Variants in RFX3 observed in about 807,000 individuals in gnomAD.
The protein encoded by RFX3 is regulatory factor X3.
Under a neutral mutation model 98.6 loss-of-function variants are expected in RFX3, and 14 were observed. The ratio of observed to expected loss-of-function variants is 0.14; its 90% CI spans 0.09 to 0.22. The LOEUF (loss-of-function observed/expected upper bound fraction) is 0.22. Ranked by LOEUF, RFX3 falls within the 10% of genes least tolerant of loss-of-function variation. The probability of loss-of-function intolerance (pLI) is 1.00; values close to 1 mark genes in which losing one functional copy is unlikely to be tolerated. For synonymous variants in RFX3, 383 were observed against 328.4 expected (o/e 1.17, Z -1.80); for missense variants, 639 against 926.9 (o/e 0.69, Z 4.03).
At chr9:3,367,892 T>A (rs1451701815) in intron 2 of RFX3, among the ~76,000 whole-genome samples, 1 of 152,202 alleles carries the variant, frequency 6.6e-6, no homozygotes, top group African/African-American at 2.4e-5. Context: ...GAGTAAAGTA[T>A]CACATGAAAA....
At chr9:3,386,750 G>T (rs2131797063) in intron 2 of RFX3, among the ~76,000 whole-genome samples, 1 of 152,222 alleles carries the variant, frequency 6.6e-6, no homozygotes, top group East Asian at 1.9e-4. Flanking sequence ...AGTTGGATGG[G>T]GAGAATCCAA....
chr9:3,266,346 A>C (rs1275183912), intron 11 of RFX3, 41 bp from the exon 12 acceptor site: 1 of 1,275,248 alleles, frequency 7.8e-7, no homozygotes, highest in South Asian at 1.2e-5. Flanking sequence ...AAAAAGTATG[A>C]AAGAATATTA....
intron 1 of RFX3, among the ~76,000 whole-genome samples, chr9:3,491,154 C>G (rs1850688122): frequency 6.6e-6 from 1 of 151,950 alleles, no homozygotes; most frequent in African/African-American, 2.4e-5. Context: ...AGTAACAAAG[C>G]AAACAGGCAC....
At chr9:3,418,778 A>C (rs2132308650) in intron 1 of RFX3, among the ~76,000 whole-genome samples, 1 of 152,352 alleles carries the variant, frequency 6.6e-6, no homozygotes, top group South Asian at 2.1e-4. Context: ...TAAGTTGCTT[A>C]GAATTCATAT....
chr9:3,234,659 C>T (rs548445248), intron 15 of RFX3, among the ~76,000 whole-genome samples: 1 of 151,784 alleles, frequency 6.6e-6, no homozygotes, highest in Non-Finnish European at 1.5e-5. Flanking sequence ...AACAAACAAA[C>T]AAAAAAACCC....
intron 1 of RFX3, among the ~76,000 whole-genome samples, chr9:3,426,013 A>G (rs893128566): frequency 6.6e-6 from 1 of 152,070 alleles, no homozygotes; most frequent in Admixed American, 6.5e-5. Context: ...AAAACAAACC[A>G]AAAAAACCCA....
intron 1 of RFX3, among the ~76,000 whole-genome samples, chr9:3,458,569 C>T (rs1847396816): frequency 6.6e-6 from 1 of 152,082 alleles, no homozygotes; most frequent in African/African-American, 2.4e-5. Flanking sequence ...GATAATACAC[C>T]TGTTTTATGA....
At chr9:3,483,688 G>C (rs987097009) in intron 1 of RFX3, among the ~76,000 whole-genome samples, 3 of 152,158 alleles carry the variant, frequency 2.0e-5, no homozygotes, top group Non-Finnish European at 4.4e-5. Flanking sequence ...TATTAGTAAA[G>C]ATCAGCAACT....
rs529388380 is a variant in RFX3, at chr9:3,365,078, G to A, written c.118-18314C>T. ...GCACTTCGGGAGGCCGGGACAGGTG[G>A]ATCACAAGGTCAGGAGATCGAGACC... On this transcript the variant is annotated intron_variant, in intron 2 of 16. Transcript: ENST00000617270. Among the ~76,000 whole-genome samples the A allele has an allele frequency of 2.1e-3, 316 of 152,178 alleles. 1 individual carries two copies. The highest frequency in any genetic ancestry group is 6.8e-3 in the Middle Eastern group (2 of 294).
intron 1 of RFX3, among the ~76,000 whole-genome samples, chr9:3,421,342 G>A (rs1247748294): frequency 6.6e-6 from 1 of 152,106 alleles, no homozygotes; most frequent in Non-Finnish European, 1.5e-5. Flanking sequence ...CAACTGTTAG[G>A]CAGCATTACT....
In RFX3 at chr9:3,266,265, A is replaced by C. The variant is rs1254960261; in HGVS notation, c.1398T>G (p.Leu466=). Residue 466 remains leucine, a synonymous_variant, in exon 12 of 17, where the codon CTT becomes CTG. Coordinates refer to ENST00000617270, the MANE Select transcript of RFX3 (RefSeq NM_001282116.2). ...TQAIRNFAKS[L]EGWLSNAMNN... ...TCATGGCATTGGAAAGCCAACCTTC[A>C]AGGCTTTTTGCAAAATTTCGAATGG... 6.2e-7 allele frequency: 1 copy of C among 1,611,878 alleles called. No individual in the cohort carries two copies. The highest frequency in any genetic ancestry group is 8.5e-7 in the Non-Finnish European group (1 of 1,178,548).
chr9:3,336,463 G>A (rs1833191244), intron 3 of RFX3, among the ~76,000 whole-genome samples: 1 of 152,026 alleles, frequency 6.6e-6, no homozygotes, highest in Admixed American at 6.5e-5. Flanking sequence ...AAATAGGATA[G>A]TTAAGGAATG....
intron 14 of RFX3, among the ~76,000 whole-genome samples, chr9:3,249,028 A>ATG (rs533455518): frequency 3.3e-5 from 5 of 151,700 alleles, no homozygotes; most frequent in East Asian, 3.9e-4. Context: ...AATCAGAGTG[A>ATG]TGTGTGTGTG....
chr9:3,429,111 C>T (rs753034054), intron 1 of RFX3, among the ~76,000 whole-genome samples: 144 of 151,220 alleles, frequency 9.5e-4, no homozygotes, highest in South Asian at 1.7e-3. Context: ...CAAGCTCCGC[C>T]TCCCGGGTTC....
chr9:3,341,190 C>A (rs12001554), intron 3 of RFX3, among the ~76,000 whole-genome samples: 1 of 151,240 alleles, frequency 6.6e-6, no homozygotes, highest in East Asian at 2.0e-4. Context: ...CACTCACAGG[C>A]GGGAATTGAA....
chr9:3,420,452 ATTATT>A (rs1301779205), intron 1 of RFX3, among the ~76,000 whole-genome samples: 2 of 152,172 alleles, frequency 1.3e-5, no homozygotes, highest in Non-Finnish European at 2.9e-5. Context: ...TTTTACATAC[ATTATT>A]TTATTTGAAC....
At chr9:3,242,000 G>A (rs553810142) in intron 15 of RFX3, among the ~76,000 whole-genome samples, 1 of 152,292 alleles carries the variant, frequency 6.6e-6, no homozygotes, top group South Asian at 2.1e-4. Flanking sequence ...GTGTCTATGT[G>A]TTTGTGTGTT....
chr9:3,451,836 T>G (rs1846665447), intron 1 of RFX3, among the ~76,000 whole-genome samples: 1 of 151,776 alleles, frequency 6.6e-6, no homozygotes, highest in South Asian at 2.1e-4. Context: ...TTTAAAAGTT[T>G]TTTTTTTTTT....
In RFX3 at chr9:3,224,033, C is replaced by G. The variant is rs955035551; in HGVS notation, c.*1009G>C. The G allele has an allele frequency of 3.3e-5, 5 of 152,132 alleles. No homozygotes were observed. The highest frequency in any genetic ancestry group is 1.2e-4 in the African/African-American group (5 of 41,416). The allele number at this position is 152,132 out of a possible 1,614,324, so 9.4% of individuals were successfully genotyped here. A position where few individuals can be genotyped will look rare whatever the true frequency, so the allele number is the denominator to read the frequency against. On this transcript the variant is annotated 3_prime_UTR_variant, in exon 17 of 17. Coordinates refer to ENST00000617270, the MANE Select transcript of RFX3 (RefSeq NM_001282116.2). The stretch of plus-strand genomic sequence containing the variant: ...ATAACGTTATGTAGGTTGCTACATT[C>G]CTTGCATTCTATAAATTCTCGTTTA...
Sources: allele counts gnomAD v4.1 joint callset (sites outside exome capture counted in the v4.1 genomes callset), GRCh38; gene constraint gnomAD v4.1.1; transcripts MANE v1.5; gene names NCBI Gene and HGNC (gene_info 2026-07-23, HGNC 2026-07-21).